The following TSC22D1 variants were observed in gnomAD, a reference collection of about 807,000 sequenced individuals.
TSC22D1 encodes the protein TSC22 domain family protein 1.
A neutral mutation model predicts 74.2 loss-of-function variants in TSC22D1; 9 were observed. The ratio of observed to expected loss-of-function variants is 0.12; its 90% CI spans 0.07 to 0.21. The LOEUF is 0.21. TSC22D1 is among the 10% of genes least tolerant of loss of function. TSC22D1 has a pLI of 1.00. For missense variants in TSC22D1, 1,427 were observed against 1,304.7 expected, an observed-to-expected ratio of 1.09 and a Z score of -1.44; for synonymous variants, 586 against 492.5, an observed-to-expected ratio of 1.19 and a Z score of -2.51.
chr13:44,507,854 C>T (rs146716174), intron 1 of TSC22D1, among the ~76,000 whole-genome samples: 36 of 152,278 alleles, frequency 2.4e-4, no homozygotes, highest in African/African-American at 8.7e-4. Context: ...TGATAAATGC[C>T]TACCACAGGG....
chr13:44,512,041 A>G lies in TSC22D1; in HGVS notation c.2912+61122T>C, dbSNP rs187896483. 1.3e-3 allele frequency among the ~76,000 whole-genome samples: 204 copies of G among 152,292 alleles called. 1 individual carries two copies. Among genetic ancestry groups the G allele is most frequent in the African/African-American group, 4.5e-3 (188 of 41,568 alleles). Reference sequence around the variant, plus strand: ...ATTTATTCTCACAGCTTTAATTATCACTTAAGATGACAGCTCCCACCATCA... The same window carrying G: ...ATTTATTCTCACAGCTTTAATTATCGCTTAAGATGACAGCTCCCACCATCA... On this transcript the variant is annotated intron_variant, in intron 1 of 2. Transcript: ENST00000458659.
chr13:44,436,526 C>G (rs780810638), intron 1 of TSC22D1: 6 of 1,613,958 alleles, frequency 3.7e-6, no homozygotes, highest in Admixed American at 1.7e-5. Context: ...CTCACAGAAG[C>G]GTTTTCAGTC....
intron 1 of TSC22D1, among the ~76,000 whole-genome samples, chr13:44,494,260 C>T (rs1878855285): frequency 1.3e-5 from 2 of 150,838 alleles, no homozygotes; most frequent in Admixed American, 6.6e-5. Flanking sequence ...CGTGTAATCC[C>T]AGGTACTTGG....
At chr13:44,557,593 A>C (rs1420131975) in intron 1 of TSC22D1, among the ~76,000 whole-genome samples, 1 of 152,230 alleles carries the variant, frequency 6.6e-6, no homozygotes, top group Non-Finnish European at 1.5e-5. Flanking sequence ...AAGTGAGTTC[A>C]CAGGAAAATT....
In TSC22D1 at chr13:44,575,107, C is replaced by T. The variant is rs1211768580; in HGVS notation, c.968G>A (p.Ser323Asn). ...VNNVNITAVG[S>N]FNPNVTSSML... ...GCTGCTTGTCACATTAGGATTAAAA[C>T]TACCCACAGCAGTAATGTTAACATT... is the stretch of plus-strand genomic sequence containing the variant. The change falls in exon 1 of 3, where the codon AGT becomes AAT. Residue 323 changes from serine (S) to asparagine (N), a missense_variant. Coordinates refer to ENST00000458659, the MANE Select transcript of TSC22D1 (RefSeq NM_183422.4). 1 of 1,614,210 alleles carries T rather than the reference C, an allele frequency of 6.2e-7. No individual in the cohort carries two copies. Among genetic ancestry groups the T allele is most frequent in the Non-Finnish European group, 8.5e-7 (1 of 1,180,044 alleles).
chr13:44,548,343 C>T (rs1881969346), intron 1 of TSC22D1, among the ~76,000 whole-genome samples: 1 of 152,182 alleles, frequency 6.6e-6, no homozygotes, highest in African/African-American at 2.4e-5. Flanking sequence ...ATGGCGAAAC[C>T]CCGTCTCTAC....
chr13:44,568,108 C>T (rs1275554141), intron 1 of TSC22D1, among the ~76,000 whole-genome samples: 5 of 152,164 alleles, frequency 3.3e-5, no homozygotes, highest in Non-Finnish European at 7.4e-5. Context: ...AACATAACTT[C>T]CCCACCTGGT....
At chr13:44,448,426 CTA>C (rs1875856318) in intron 1 of TSC22D1, among the ~76,000 whole-genome samples, 1 of 152,074 alleles carries the variant, frequency 6.6e-6, no homozygotes, top group African/African-American at 2.4e-5. Flanking sequence ...CTTGGTGACT[CTA>C]AAACAATCAG....
intron 1 of TSC22D1, among the ~76,000 whole-genome samples, chr13:44,458,756 G>T (rs543144222): frequency 2.6e-5 from 4 of 152,308 alleles, no homozygotes; most frequent in Non-Finnish European, 5.9e-5. Context: ...AAGCCTGGGC[G>T]CTGTCCGACC....
chr13:44,536,926 GAAAAAAAAAAAAAAAAAAA>G (rs10596156), intron 1 of TSC22D1: 6 of 495,238 alleles, frequency 1.2e-5, no homozygotes, highest in African/African-American at 9.4e-5. Flanking sequence ...GTATTTTTCT[GAAAAAAAAAAAAAAAAAAA>G]AAAAAAAAAA....
chr13:44,505,968 GA>G (rs1324481908), intron 1 of TSC22D1, among the ~76,000 whole-genome samples: 1 of 152,150 alleles, frequency 6.6e-6, no homozygotes, highest in Non-Finnish European at 1.5e-5. Flanking sequence ...ACAGCTCTGT[GA>G]AATAGGTAGG....
intron 1 of TSC22D1, among the ~76,000 whole-genome samples, chr13:44,546,642 G>A (rs1026052901): frequency 6.6e-6 from 1 of 152,094 alleles, no homozygotes; most frequent in East Asian, 1.9e-4. Context: ...ATTCAAAAAT[G>A]CCTAGAGTAG....
At chr13:44,509,211 A>G (rs1879573150) in intron 1 of TSC22D1, among the ~76,000 whole-genome samples, 1 of 152,200 alleles carries the variant, frequency 6.6e-6, no homozygotes, top group African/African-American at 2.4e-5. Context: ...TAACAATGCT[A>G]CAGTCAATAC....
intron 1 of TSC22D1, among the ~76,000 whole-genome samples, chr13:44,522,826 C>T (rs140710063): frequency 1.7e-3 from 252 of 151,880 alleles, no homozygotes; most frequent in African/African-American, 5.7e-3. Flanking sequence ...ATAAGGTAGA[C>T]TTCATTAAAA....
intron 1 of TSC22D1, among the ~76,000 whole-genome samples, chr13:44,560,314 T>C (rs966908952): frequency 2.2e-4 from 33 of 148,982 alleles, no homozygotes; most frequent in African/African-American, 6.4e-4. Flanking sequence ...AAGAGAAAAA[T>C]TGGGGGGGGA....
At chr13:44,499,035 T>A (rs1879105104) in intron 1 of TSC22D1, among the ~76,000 whole-genome samples, 2 of 152,230 alleles carry the variant, frequency 1.3e-5, no homozygotes, top group African/African-American at 4.8e-5. Context: ...AGAAAATTTT[T>A]AAAAACCTTA....
intron 1 of TSC22D1, among the ~76,000 whole-genome samples, chr13:44,494,747 T>C (rs112656352): frequency 2.5e-4 from 38 of 152,178 alleles, no homozygotes; most frequent in African/African-American, 9.1e-4. Flanking sequence ...TGACCCATCA[T>C]GGAAGAAATT....
intron 1 of TSC22D1, among the ~76,000 whole-genome samples, chr13:44,463,368 T>C (rs190378994): frequency 2.8e-4 from 43 of 152,328 alleles, no homozygotes; most frequent in Admixed American, 1.8e-3. Context: ...TTCTCACATA[T>C]CTGTATTACT....
At chr13:44,555,335 G>A (rs564777856) in intron 1 of TSC22D1, among the ~76,000 whole-genome samples, 101 of 152,162 alleles carry the variant, frequency 6.6e-4, no homozygotes, top group African/African-American at 2.2e-3. Flanking sequence ...TAGGTCGGGC[G>A]TGGTGCGTCA....
Sources: allele counts gnomAD v4.1 joint callset (sites outside exome capture counted in the v4.1 genomes callset), GRCh38; gene constraint gnomAD v4.1.1; transcripts MANE v1.5; gene names NCBI Gene and HGNC (gene_info 2026-07-23, HGNC 2026-07-21).